The following OR5M10 variants were observed in gnomAD, a reference collection of about 807,000 sequenced individuals.
The protein encoded by OR5M10 is olfactory receptor 5M10.
For missense variants in OR5M10, 387 were observed against 376.4 expected (o/e 1.03, Z -0.23); for synonymous variants, 149 against 144.8 (o/e 1.03, Z -0.21).
In OR5M10 at chr11:56,577,440, G is replaced by C. The variant is rs375793121; in HGVS notation, c.282C>G (p.Tyr94Ter). The change falls in exon 1 of 1, where the codon TAC (tyrosine) becomes TAG (stop). Residue 94 changes from tyrosine (Y) to a stop codon, truncating the protein, a stop_gained. Transcript: ENST00000526538. LOFTEE classifies it low-confidence loss of function (END_TRUNC). Reference protein sequence around the residue: ...NFLSEQKTISYAGCFTQCLLF... With the variant: ...NFLSEQKTIS ...GAAGACACTGTGTGAAGCATCCAGC[G>C]TAGGAGATGGTCTTCTGTTCTGAGA... 6.2e-7 allele frequency: 1 copy of C among 1,613,710 alleles called. No individual in the cohort carries two copies. The highest frequency in any genetic ancestry group is 8.5e-7 in the Non-Finnish European group (1 of 1,179,818).
chr11:56,576,966 A>T lies in OR5M10; in HGVS notation c.756T>A (p.Tyr252Ter). The T allele has an allele frequency of 6.2e-7, 1 of 1,613,924 alleles. No individual in the cohort carries two copies. Residue 252 changes from tyrosine (Y) to a stop codon, truncating the protein, a stop_gained, in exon 1 of 1, where the codon TAT (tyrosine) becomes TAA (stop). Transcript: ENST00000526538. LOFTEE classifies it low-confidence loss of function (END_TRUNC). ...ASHLTIVTLFYGTLFCMYVRP... is the reference protein window; with the variant it reads ...ASHLTIVTLF ...TTACGTACATGCAGAAGAGGGTTCC[A>T]TAAAACAAAGTGACTATTGTCAGGT...
chr11:56,577,547 T>C lies in OR5M10; in HGVS notation c.175A>G (p.Met59Val), dbSNP rs1853271498. ...GAGAGGTGACCAAGGAAGAAATACA[T>C]GGGTGTTTGCAGTTGGGAATTGGTC... ...IRTNSQLQTP[M>V]YFFLGHLSFV... The change falls in exon 1 of 1, where the codon ATG (methionine) becomes GTG (valine). Residue 59 changes from methionine to valine, a missense_variant. Met to Val is a conservative substitution (Grantham distance 21). Transcript: ENST00000526538. 1 of 1,613,642 alleles carries C rather than the reference T, an allele frequency of 6.2e-7. No homozygotes were observed. Among genetic ancestry groups the C allele is most frequent in the Non-Finnish European group, 8.5e-7 (1 of 1,179,714 alleles).
In OR5M10 at chr11:56,577,350, T is replaced by C; in HGVS notation, c.372A>G (p.Val124=). The C allele has an allele frequency of 6.2e-7, 1 of 1,613,392 alleles. No homozygotes were observed. Among genetic ancestry groups the C allele is most frequent in the Non-Finnish European group, 8.5e-7 (1 of 1,179,608 alleles). Residue 124 remains valine, a synonymous_variant, in exon 1 of 1, where the codon GTA becomes GTG. Transcript: ENST00000526538. ...FLASMALDRY[V]AICSPLHYSS... Reference sequence around the variant, plus strand: ...TGTAATGTAAAGGGCTGCAAATGGCTACATAGCGATCCAATGCCATTGAAG... The same window carrying C: ...TGTAATGTAAAGGGCTGCAAATGGCCACATAGCGATCCAATGCCATTGAAG...
rs752326663 is a variant in OR5M10 at position 56,576,823 on chromosome 11, G to C, written c.899C>G (p.Ala300Gly). The C allele has an allele frequency of 6.2e-7, 1 of 1,612,974 alleles. No homozygotes were observed. Among genetic ancestry groups the C allele is most frequent in the South Asian group, 1.1e-5 (1 of 90,840 alleles). Residue 300 changes from alanine (A) to glycine (G), a missense_variant, in exon 1 of 1, where the codon GCC (alanine) becomes GGC (glycine). By Grantham distance (60) the Ala-to-Gly change is moderately conservative. Transcript: ENST00000526538. ...TTTTCCCCTAATCATTTGTTGTATG[G>C]CAAGGATTACATCTCTGTTCCGTAG... ...YSLRNRDVIL[A>G]IQQMIRGKSF...
In OR5M10 at chr11:56,576,776, A is replaced by C; in HGVS notation, c.946T>G (p.Ter316GluextTer?). 1 of 1,606,248 alleles carries C rather than the reference A, an allele frequency of 6.2e-7. No homozygotes were observed. The highest frequency in any genetic ancestry group is 8.5e-7 in the Non-Finnish European group (1 of 1,176,046). Residue 316 changes from the stop codon to glutamate (E), a stop_lost, in exon 1 of 1, where the codon TAG becomes GAG. Transcript: ENST00000526538. Reference protein sequence around the residue: ...RGKSFCKIAV* With the variant: ...RGKSFCKIAVE The stretch of plus-strand genomic sequence containing the variant: ...AGGGATTACAAATAAACACAGGCCT[A>C]AACTGCAATTTTACAAAAGGATTTT...
rs1399940869 is a variant in OR5M10 at position 56,577,052 on chromosome 11, C to T, written c.670G>A (p.Ala224Thr). The T allele has an allele frequency of 6.2e-7, 1 of 1,613,782 alleles. No homozygotes were observed. Among genetic ancestry groups the T allele is most frequent in the Non-Finnish European group, 8.5e-7 (1 of 1,179,866 alleles). Residue 224 changes from alanine to threonine, a missense_variant, in exon 1 of 1, where the codon GCG becomes ACG. By Grantham distance (58) the Ala-to-Thr change is moderately conservative. Transcript: ENST00000526538. ...ILLSYLFIFAAIFRIRSAEGR... is the reference protein window; with the variant it reads ...ILLSYLFIFATIFRIRSAEGR... ...TCAGCAGAACGGATCCTGAAGATCG[C>T]TGCAAAAATGAAAAGATAGGACAGA... is the stretch of plus-strand genomic sequence containing the variant.
At position 56,577,503 on chromosome 11, in the gene OR5M10, A is replaced by C. The variant is rs1565171668; in HGVS notation, c.219T>G (p.Tyr73Ter). The C allele has an allele frequency of 6.2e-7, 1 of 1,613,668 alleles. No individual in the cohort carries two copies. The highest frequency in any genetic ancestry group is 2.2e-5 in the East Asian group (1 of 44,876). Residue 73 changes from tyrosine (Y) to a stop codon, truncating the protein, a stop_gained, in exon 1 of 1, where the codon TAT becomes TAG. Coordinates refer to ENST00000526538, the MANE Select transcript of OR5M10 (RefSeq NM_001004741.1). LOFTEE classifies it low-confidence loss of function (END_TRUNC). ...GCATATTTGGAGTAACATTGGAAGA[A>C]TAGCAAATGTCTACAAAGGAGAGGT... The part of the protein sequence containing the change: ...LGHLSFVDIC[Y>*]SSNVTPNMLH...
Position 56,577,186 on chromosome 11 carries a change from C to T in OR5M10, c.536G>A (p.Cys179Tyr), listed in dbSNP as rs757551413. 3.7e-6 allele frequency: 6 copies of T among 1,613,672 alleles called. No individual in the cohort carries two copies. The African/African-American group carries it at 8.0e-5, about 22-fold the overall frequency. Residue 179 changes from cysteine (C) to tyrosine (Y), a missense_variant, in exon 1 of 1, where the codon TGC becomes TAC. Physicochemically the swap from Cys to Tyr is radical, Grantham distance 194. Transcript: ENST00000526538. Reference sequence around the variant, plus strand: ...CAGCATGATAAGAGGAGGATCAGCGCAGTAGAAATGATTGATTTCAAGGGA... The same window carrying T: ...CAGCATGATAAGAGGAGGATCAGCGTAGTAGAAATGATTGATTTCAAGGGA... ...CGSLEINHFY[C>Y]ADPPLIMLAC...
rs781108679 is a variant in OR5M10, at chr11:56,576,860, A to G, written c.862T>C (p.Leu288=). The G allele has an allele frequency of 3.1e-6, 5 of 1,613,758 alleles. No homozygotes were observed. The South Asian group carries it at 3.3e-5, about 11-fold the overall frequency. ...TCTCTGTTCCGTAGGCTATAGATCAATGGGTTCAGCATTGGGCTCAAAAAA... is the reference window on the plus strand; with the variant it reads ...TCTCTGTTCCGTAGGCTATAGATCAGTGGGTTCAGCATTGGGCTCAAAAAA... ...YTFLSPMLNP[L]IYSLRNRDVI... is the part of the protein sequence containing the mutation. The change falls in exon 1 of 1, where the codon TTG becomes CTG. Residue 288 remains leucine, a synonymous_variant. Transcript: ENST00000526538.
Position 56,577,002 on chromosome 11 carries a change from C to A in OR5M10, c.720G>T (p.Thr240=). The change falls in exon 1 of 1, where the codon ACG becomes ACT. Residue 240 remains threonine, a synonymous_variant. Coordinates refer to ENST00000526538, the MANE Select transcript of OR5M10 (RefSeq NM_001004741.1). ...SAEGRHKAFS[T]CASHLTIVTL... The stretch of plus-strand genomic sequence containing the variant: ...TGACTATTGTCAGGTGGGAAGCACA[C>A]GTAGAAAAGGCTTTGTGCCTGCCTT... The A allele has an allele frequency of 6.2e-7, 1 of 1,613,750 alleles. No homozygotes were observed. Among genetic ancestry groups the A allele is most frequent in the Non-Finnish European group, 8.5e-7 (1 of 1,179,838 alleles).
Position 56,576,811 on chromosome 11 carries a change from A to C in OR5M10, c.911T>G (p.Met304Arg), listed in dbSNP as rs1318126596. 6.2e-7 allele frequency: 1 copy of C among 1,612,032 alleles called. No homozygotes were observed. Among genetic ancestry groups the C allele is most frequent in the Non-Finnish European group, 8.5e-7 (1 of 1,179,468 alleles). Residue 304 changes from methionine to arginine, a missense_variant, in exon 1 of 1, where the codon ATG becomes AGG. Transcript: ENST00000526538. ...NRDVILAIQQ[M>R]IRGKSFCKIA... The stretch of plus-strand genomic sequence containing the variant: ...TTTACAAAAGGATTTTCCCCTAATC[A>C]TTTGTTGTATGGCAAGGATTACATC...
At position 56,576,836 on chromosome 11, in the gene OR5M10, C is replaced by G. The variant is rs769309932; in HGVS notation, c.886G>C (p.Asp296His). 22 of 1,613,712 alleles carry G rather than the reference C, an allele frequency of 1.4e-5. No homozygotes were observed. Among genetic ancestry groups the G allele is most frequent in the Non-Finnish European group, 1.9e-5 (22 of 1,179,844 alleles). ...NPLIYSLRNRDVILAIQQMIR... is the reference protein window; with the variant it reads ...NPLIYSLRNRHVILAIQQMIR... Reference sequence around the variant, plus strand: ...ATTTGTTGTATGGCAAGGATTACATCTCTGTTCCGTAGGCTATAGATCAAT... The same window carrying G: ...ATTTGTTGTATGGCAAGGATTACATGTCTGTTCCGTAGGCTATAGATCAAT... The change falls in exon 1 of 1, where the codon GAT becomes CAT. Residue 296 changes from aspartate to histidine, a missense_variant. Physicochemically the swap from Asp to His is moderately conservative, Grantham distance 81. Coordinates refer to ENST00000526538, the MANE Select transcript of OR5M10 (RefSeq NM_001004741.1).
rs1853267896 is a variant in OR5M10 at position 56,577,377 on chromosome 11, A to T, written c.345T>A (p.Leu115=). The part of the protein sequence containing the change: ...IALVITEFYF[L]ASMALDRYVA... Reference sequence around the variant, plus strand: ...CATAGCGATCCAATGCCATTGAAGCAAGGAAGTAAAACTCAGTGATCACTA... The same window carrying T: ...CATAGCGATCCAATGCCATTGAAGCTAGGAAGTAAAACTCAGTGATCACTA... The change falls in exon 1 of 1, where the codon CTT becomes CTA. Residue 115 remains leucine (L), a synonymous_variant. Transcript: ENST00000526538. 1 of 1,613,632 alleles carries T rather than the reference A, an allele frequency of 6.2e-7. No individual in the cohort carries two copies. The highest frequency in any genetic ancestry group is 1.3e-5 in the African/African-American group (1 of 74,836).
rs745952056 is a variant in OR5M10 at position 56,577,134 on chromosome 11, C to A, written c.588G>T (p.Lys196Asn). The A allele has an allele frequency of 1.2e-6, 2 of 1,613,844 alleles. No individual in the cohort carries two copies. The highest frequency in any genetic ancestry group is 1.7e-6 in the Non-Finnish European group (2 of 1,179,880). ...MLACSDTRVK[K>N]MAMFVVAGFT... ...AGCCTGCAACTACAAACATTGCCATCTTTTTGACACGGGTGTCAGAGCAGG... is the reference window on the plus strand; with the variant it reads ...AGCCTGCAACTACAAACATTGCCATATTTTTGACACGGGTGTCAGAGCAGG... The change falls in exon 1 of 1, where the codon AAG becomes AAT. Residue 196 changes from lysine to asparagine, a missense_variant. By Grantham distance (94) the Lys-to-Asn change is moderately conservative. Transcript: ENST00000526538.
Position 56,577,212 on chromosome 11 carries a change from G to A in OR5M10, c.510C>T (p.Gly170=). ...TLLTFHLSFC[G]SLEINHFYCA... ...AGTAGAAATGATTGATTTCAAGGGA[G>A]CCACAGAAGGATAAGTGAAAGGTCA... The change falls in exon 1 of 1, where the codon GGC becomes GGT. Residue 170 remains glycine, a synonymous_variant. Transcript: ENST00000526538. 1.9e-6 allele frequency: 3 copies of A among 1,613,840 alleles called. No individual in the cohort carries two copies. The highest frequency in any genetic ancestry group is 2.5e-6 in the Non-Finnish European group (3 of 1,179,890).
rs1237164906 is a variant in OR5M10, at chr11:56,577,483, T to C, written c.239A>G (p.Asn80Ser). ...TTCTGAGAGGAAATTGTGCAGCATA[T>C]TTGGAGTAACATTGGAAGAATAGCA... is the stretch of plus-strand genomic sequence containing the variant. ...DICYSSNVTPNMLHNFLSEQK... is the reference protein window; with the variant it reads ...DICYSSNVTPSMLHNFLSEQK... Residue 80 changes from asparagine to serine, a missense_variant, in exon 1 of 1, where the codon AAT becomes AGT. Transcript: ENST00000526538. 5.6e-6 allele frequency: 9 copies of C among 1,613,510 alleles called. No homozygotes were observed. The highest frequency in any genetic ancestry group is 5.9e-6 in the Non-Finnish European group (7 of 1,179,738).
In OR5M10 at chr11:56,576,852, A is replaced by G. The variant is rs751373547; in HGVS notation, c.870T>C (p.Tyr290=). The G allele has an allele frequency of 7.4e-6, 12 of 1,613,786 alleles. No homozygotes were observed. The highest frequency in any genetic ancestry group is 3.3e-5 in the Admixed American group (2 of 60,010). Residue 290 remains tyrosine, a synonymous_variant, in exon 1 of 1, where the codon TAT becomes TAC. Coordinates refer to ENST00000526538, the MANE Select transcript of OR5M10 (RefSeq NM_001004741.1). ...FLSPMLNPLI[Y]SLRNRDVILA... ...GGATTACATCTCTGTTCCGTAGGCT[A>G]TAGATCAATGGGTTCAGCATTGGGC...
chr11:56,576,790 C>CA lies in OR5M10; in HGVS notation c.931dup (p.Cys311LeufsTer2), dbSNP rs767939037. ...AACACAGGCCTAAACTGCAATTTTA[C>CA]AAAAGGATTTTCCCCTAATCATTTG... is the stretch of plus-strand genomic sequence containing the variant. On this transcript the variant is annotated frameshift_variant, in exon 1 of 1. Transcript: ENST00000526538. LOFTEE classifies it low-confidence loss of function (END_TRUNC). The CA allele has an allele frequency of 3.1e-6, 5 of 1,608,766 alleles. No homozygotes were observed. Among genetic ancestry groups the CA allele is most frequent in the Non-Finnish European group, 4.2e-6 (5 of 1,178,090 alleles).
At position 56,576,830 on chromosome 11, in the gene OR5M10, T is replaced by C; in HGVS notation, c.892A>G (p.Ile298Val). 3 of 1,613,560 alleles carry C rather than the reference T, an allele frequency of 1.9e-6. No individual in the cohort carries two copies. Among genetic ancestry groups the C allele is most frequent in the Non-Finnish European group, 2.5e-6 (3 of 1,179,808 alleles). Residue 298 changes from isoleucine to valine, a missense_variant, in exon 1 of 1, where the codon ATC becomes GTC. By Grantham distance (29) the Ile-to-Val change is conservative. Transcript: ENST00000526538. ...CTAATCATTTGTTGTATGGCAAGGA[T>C]TACATCTCTGTTCCGTAGGCTATAG... Reference protein sequence around the residue: ...LIYSLRNRDVILAIQQMIRGK... With the variant: ...LIYSLRNRDVVLAIQQMIRGK...
Sources: gnomAD v4.1 joint callset for allele counts on GRCh38, gnomAD v4.1.1 for gene constraint, MANE v1.5 for transcripts, NCBI Gene and HGNC (gene_info 2026-07-23, HGNC 2026-07-21) for gene names.